Variants in NAALADL2 observed in about 807,000 individuals in gnomAD.
NAALADL2 encodes N-acetylated alpha-linked acidic dipeptidase like 2, also known as inactive N-acetylated-alpha-linked acidic dipeptidase-like protein 2.
NAALADL2 carries 76 observed loss-of-function variants against 87.2 expected under a neutral mutation model. That is an observed-to-expected ratio of 0.87 (90% CI 0.72 to 1.05). NAALADL2 has a LOEUF of 1.05. NAALADL2 is among the 50% of genes least tolerant of loss of function. NAALADL2 has a pLI of 0.00. For synonymous variants in NAALADL2, 354 were observed against 331.0 expected (o/e 1.07, Z -0.75); for missense variants, 1,089 against 945.8 (o/e 1.15, Z -1.99).
chr3:174,754,143 C>G (rs145921569), intron 3 of NAALADL2, among the ~76,000 whole-genome samples: 4 of 152,128 alleles, frequency 2.6e-5, no homozygotes, highest in African/African-American at 2.4e-5. Flanking sequence ...CTAACTGTTA[C>G]GTCTTTTTTA....
chr3:175,113,713 T>A (rs1290094346), intron 2 of NAALADL2, among the ~76,000 whole-genome samples: 1 of 151,596 alleles, frequency 6.6e-6, no homozygotes, highest in East Asian at 1.9e-4. Flanking sequence ...GAACATGCAG[T>A]GGTTTTATAA....
intron 13 of NAALADL2, among the ~76,000 whole-genome samples, chr3:175,793,471 G>A (rs1367917157): frequency 5.3e-5 from 8 of 150,844 alleles, no homozygotes; most frequent in Non-Finnish European, 1.0e-4. Context: ...CACCGCGCCC[G>A]GCTAATTTTT....
chr3:175,411,430 G>C (rs1440126627), intron 5 of NAALADL2, among the ~76,000 whole-genome samples: 1 of 152,096 alleles, frequency 6.6e-6, no homozygotes, highest in Non-Finnish European at 1.5e-5. Flanking sequence ...GTAAAAATTT[G>C]AGTCAACTCT....
intron 1 of NAALADL2, among the ~76,000 whole-genome samples, chr3:174,875,826 C>A (rs1728437832): frequency 1.3e-5 from 2 of 151,904 alleles, no homozygotes; most frequent in South Asian, 4.1e-4. Flanking sequence ...TGTTATTTGC[C>A]TATTTTTCAT....
rs187384201 is a variant in NAALADL2, at chr3:174,940,391, G to T, written c.43+80941G>T. Among the ~76,000 whole-genome samples the T allele has an allele frequency of 5.3e-5, 8 of 152,220 alleles. No homozygotes were observed. In the East Asian group the frequency reaches 9.7e-4, roughly 18 times the overall value. On this transcript the variant is annotated intron_variant, in intron 1 of 13. Transcript: ENST00000454872. ...AATTGTGGTGGATTAGCTCTTTTGT[G>T]TGCTGCTGGATTCGGTATGCAAGTA... is the stretch of plus-strand genomic sequence containing the variant.
At chr3:174,939,023 CTCG>C (rs1210484349) in intron 1 of NAALADL2, among the ~76,000 whole-genome samples, 1 of 151,882 alleles carries the variant, frequency 6.6e-6, no homozygotes, top group East Asian at 1.9e-4. Flanking sequence ...TTAGATCCTT[CTCG>C]TCAATTTTTG....
intron 9 of NAALADL2, among the ~76,000 whole-genome samples, chr3:175,475,530 GC>G (rs752386714): frequency 4.6e-5 from 7 of 152,114 alleles, no homozygotes; most frequent in Non-Finnish European, 8.8e-5. Flanking sequence ...TAAGAAAATA[GC>G]AATGAAATTT....
At chr3:175,580,727 G>A (rs1391227588) in intron 10 of NAALADL2, among the ~76,000 whole-genome samples, 1 of 152,110 alleles carries the variant, frequency 6.6e-6, no homozygotes, top group East Asian at 1.9e-4. Flanking sequence ...GTTCTCTCTA[G>A]ATCATTATCT....
intron 5 of NAALADL2, among the ~76,000 whole-genome samples, chr3:175,384,470 TTTGA>T (rs752885978): frequency 2.0e-5 from 3 of 152,026 alleles, no homozygotes; most frequent in Non-Finnish European, 4.4e-5. Context: ...CTTTCGGTTC[TTTGA>T]TTGATTTAAC....
At chr3:175,262,575 A>AATGTGTGT (rs146217438) in intron 4 of NAALADL2, among the ~76,000 whole-genome samples, 1 of 147,012 alleles carries the variant, frequency 6.8e-6, no homozygotes, top group African/African-American at 2.5e-5. Context: ...ATGTTGTGTG[A>AATGTGTGT]GTGTGTGTGT....
intron 11 of NAALADL2, among the ~76,000 whole-genome samples, chr3:175,712,946 A>G (rs1740727941): frequency 6.6e-6 from 1 of 152,120 alleles, no homozygotes; most frequent in Non-Finnish European, 1.5e-5. Context: ...CTTTTGCAGC[A>G]TAATGAAGTC....
intron 1 of NAALADL2, among the ~76,000 whole-genome samples, chr3:175,085,071 T>C (rs1036310969): frequency 5.9e-5 from 9 of 152,196 alleles, no homozygotes; most frequent in Admixed American, 3.9e-4. Flanking sequence ...AGTTGAGTTA[T>C]GTTCTCCTGT....
chr3:174,496,108 T>C (rs972947860), intron 1 of NAALADL2, among the ~76,000 whole-genome samples: 2 of 152,160 alleles, frequency 1.3e-5, no homozygotes, highest in East Asian at 3.9e-4. Context: ...CCAGGGTGGC[T>C]AGTGAACAGT....
chr3:175,126,941 T>C (rs900419555), intron 2 of NAALADL2, among the ~76,000 whole-genome samples: 21 of 151,486 alleles, frequency 1.4e-4, no homozygotes, highest in African/African-American at 5.1e-4. Flanking sequence ...TCATGGTAAA[T>C]GTTATGAGTA....
At chr3:174,987,241 A>G (rs1337698143) in intron 1 of NAALADL2, among the ~76,000 whole-genome samples, 3 of 152,126 alleles carry the variant, frequency 2.0e-5, no homozygotes, top group Admixed American at 6.5e-5. Context: ...CACTTTTAGA[A>G]TTCTTGTAAA....
intron 2 of NAALADL2, among the ~76,000 whole-genome samples, chr3:175,117,886 C>G (rs1346667112): frequency 6.6e-6 from 1 of 152,028 alleles, no homozygotes; most frequent in Non-Finnish European, 1.5e-5. Context: ...CAATGGTAGA[C>G]TGGATTAAGA....
chr3:175,563,893 C>T (rs1221244202), intron 9 of NAALADL2, among the ~76,000 whole-genome samples: 1 of 152,068 alleles, frequency 6.6e-6, no homozygotes, highest in African/African-American at 2.4e-5. Flanking sequence ...ACAATGGTGT[C>T]CGCAAAGGTC....
At chr3:174,543,555 C>T (rs1008075119) in intron 1 of NAALADL2, among the ~76,000 whole-genome samples, 2 of 151,782 alleles carry the variant, frequency 1.3e-5, no homozygotes, top group African/African-American at 4.8e-5. Context: ...TTCCTTTCTT[C>T]TTTCCCTCTC....
chr3:174,599,283 A>G (rs1447295684), intron 2 of NAALADL2, among the ~76,000 whole-genome samples: 1 of 152,128 alleles, frequency 6.6e-6, no homozygotes, highest in African/African-American at 2.4e-5. Flanking sequence ...GATAGCTATG[A>G]TAGGCAGACA....
Sources: allele counts gnomAD v4.1 joint callset (sites outside exome capture counted in the v4.1 genomes callset), GRCh38; gene constraint gnomAD v4.1.1; transcripts MANE v1.5; gene names NCBI Gene and HGNC (gene_info 2026-07-23, HGNC 2026-07-21).